Variants in RGL1 observed in about 807,000 individuals in gnomAD.
RGL1 encodes the protein ral guanine nucleotide dissociation stimulator like 1, also known as ral guanine nucleotide dissociation stimulator-like 1.
In RGL1, 24 loss-of-function variants were observed where a neutral mutation model predicts 95.2. That is an observed-to-expected ratio of 0.25 (90% CI 0.18 to 0.35). The LOEUF (loss-of-function observed/expected upper bound fraction) is 0.35. Among genes scored for constraint, RGL1 ranks in the 10% least tolerant of loss-of-function variants. The probability of loss-of-function intolerance (pLI) is 1.00; values close to 1 mark genes in which losing one functional copy is unlikely to be tolerated. For synonymous variants in RGL1, 329 were observed against 344.9 expected, an observed-to-expected ratio of 0.95 and a Z score of 0.51; for missense variants, 715 against 936.3, an observed-to-expected ratio of 0.76 and a Z score of 3.08.
chr1:183,793,906 CCAAAGGAAAGGAAATCAGTATAT>C lies in RGL1; in HGVS notation c.133-12459_133-12437del, dbSNP rs572227220. ...AGCAATGTCACTACTGGGTATTTAT[CCAAAGGAAAGGAAATCAGTATAT>C]CAAAGGAAATTAGTATATCGAAGGG... On this transcript the variant is annotated intron_variant, in intron 2 of 18. Transcript: ENST00000304685. 1.9e-3 allele frequency among the ~76,000 whole-genome samples: 292 copies of C among 151,996 alleles called. 7 individuals carry two copies. In the East Asian group the frequency reaches 0.046, roughly 24 times the overall value.
Position 183,656,098 on chromosome 1 carries a change from T to C in RGL1, c.-33+19597T>C, listed in dbSNP as rs111463670. Among the ~76,000 whole-genome samples, 545 of 134,932 alleles carry C rather than the reference T, an allele frequency of 4.0e-3. 4 individuals are homozygous for C. Among genetic ancestry groups the C allele is most frequent in the African/African-American group, 0.015 (515 of 35,122 alleles). 88.5% of individuals were successfully genotyped at this position (134,932 alleles called of 152,430 possible). The stretch of plus-strand genomic sequence containing the variant: ...ATAGATCCCAAAGCAGACCAAGTTT[T>C]TTTTCTTTTCTTTTCTTTTTTTTTT... On this transcript the variant is annotated intron_variant, in intron 1 of 18. Transcript: ENST00000304685.
intron 2 of RGL1, among the ~76,000 whole-genome samples, chr1:183,784,539 C>A (rs1660058285): frequency 6.6e-6 from 1 of 152,160 alleles, no homozygotes; most frequent in African/African-American, 2.4e-5. Context: ...AAGAATGGTT[C>A]AATACTCCAT....
chr1:183,750,204 C>T (rs898656739), intron 2 of RGL1, among the ~76,000 whole-genome samples: 2 of 152,152 alleles, frequency 1.3e-5, no homozygotes, highest in Non-Finnish European at 2.9e-5. Flanking sequence ...ACCAATCAAA[C>T]GTAGGTTTGG....
At chr1:183,851,463 C>A (rs769045885) in intron 3 of RGL1, among the ~76,000 whole-genome samples, 1 of 152,144 alleles carries the variant, frequency 6.6e-6, no homozygotes, top group Non-Finnish European at 1.5e-5. Context: ...ATTTTGTATT[C>A]TTTTTCTTTG....
chr1:183,807,922 A>T (rs1661448150), intron 2 of RGL1, among the ~76,000 whole-genome samples: 1 of 152,176 alleles, frequency 6.6e-6, no homozygotes. Context: ...GGTTGTGTGT[A>T]TGTATTTTAT....
intron 10 of RGL1, 103 bp downstream of exon 10, chr1:183,898,000 G>C: frequency 1.1e-6 from 1 of 901,436 alleles, no homozygotes; most frequent in Non-Finnish European, 1.8e-6. Flanking sequence ...AGGGCACCCA[G>C]GCTTTCAGAA....
intron 16 of RGL1, among the ~76,000 whole-genome samples, chr1:183,918,406 C>A (rs1419054069): frequency 6.6e-6 from 1 of 152,208 alleles, no homozygotes; most frequent in Admixed American, 6.5e-5. Context: ...ACTGCCTGCT[C>A]AGCATGGTCT....
chr1:183,703,113 T>C (rs768905926), intron 1 of RGL1, among the ~76,000 whole-genome samples: 1 of 152,036 alleles, frequency 6.6e-6, no homozygotes, highest in Non-Finnish European at 1.5e-5. Context: ...GCCTCAGAAG[T>C]GAGGAGTTAT....
chr1:183,728,974 CT>C (rs1250695750), intron 1 of RGL1, among the ~76,000 whole-genome samples: 1 of 152,156 alleles, frequency 6.6e-6, no homozygotes, highest in Non-Finnish European at 1.5e-5. Context: ...TGGTACACAA[CT>C]GGATAATCTT....
chr1:183,912,119 C>T lies in RGL1; in HGVS notation c.1600C>T (p.Pro534Ser). 6.2e-7 allele frequency: 1 copy of T among 1,614,072 alleles called. No individual in the cohort carries two copies. The highest frequency in any genetic ancestry group is 8.5e-7 in the Non-Finnish European group (1 of 1,179,994). Residue 534 changes from proline to serine, a missense_variant, in exon 15 of 18, where the codon CCC becomes TCC. Physicochemically the swap from Pro to Ser is moderately conservative, Grantham distance 74. This residue lies in a region of RGL1 where 330 missense variants were observed against 429.6 expected (regional missense o/e 0.77). Transcript: ENST00000360851. ...LGSDMITSPT[P>S]TKEQPKSTAS... Reference sequence around the variant, plus strand: ...GTCTGACATGATCACCAGTCCCACTCCCACCAAAGAGCAGCCCAAGTCCAC... The same window carrying T: ...GTCTGACATGATCACCAGTCCCACTTCCACCAAAGAGCAGCCCAAGTCCAC...
At chr1:183,709,046 C>T (rs1282589711) in intron 1 of RGL1, among the ~76,000 whole-genome samples, 1 of 152,130 alleles carries the variant, frequency 6.6e-6, no homozygotes, top group Admixed American at 6.5e-5. Flanking sequence ...CAAATGAGAC[C>T]GGGCAGGGGT....
rs566144655 is a variant in RGL1 at position 183,695,179 on chromosome 1, A to G, written c.-32-46947A>G. ...GGCCCCCAAAAGCTTCCAGGAAAGCATCGGCTTGACAGCGAGGATGCCAAA... is the reference window on the plus strand; with the variant it reads ...GGCCCCCAAAAGCTTCCAGGAAAGCGTCGGCTTGACAGCGAGGATGCCAAA... On this transcript the variant is annotated intron_variant, in intron 1 of 18. Coordinates refer to the RGL1 transcript ENST00000304685. 4.7e-4 allele frequency among the ~76,000 whole-genome samples: 71 copies of G among 152,362 alleles called. 1 individual carries two copies. In the South Asian group the frequency reaches 0.014, roughly 31 times the overall value.
At chr1:183,759,336 G>GT (rs1301040352) in intron 2 of RGL1, among the ~76,000 whole-genome samples, 1 of 152,172 alleles carries the variant, frequency 6.6e-6, no homozygotes, top group Non-Finnish European at 1.5e-5. Context: ...CTTTTGGTGG[G>GT]TTTTCTGCTA....
At chr1:183,842,927 CTT>C (rs1400601779) in intron 2 of RGL1, among the ~76,000 whole-genome samples, 1 of 152,208 alleles carries the variant, frequency 6.6e-6, no homozygotes, top group South Asian at 2.1e-4. Context: ...TTTAGCTTCT[CTT>C]GTCGGGCCAT....
chr1:183,670,837 A>G (rs1180838327), intron 1 of RGL1, among the ~76,000 whole-genome samples: 2 of 152,238 alleles, frequency 1.3e-5, no homozygotes, highest in Admixed American at 6.5e-5. Flanking sequence ...TCGTATGGAT[A>G]TACTACAATT....
At position 183,880,740 on chromosome 1, in the gene RGL1, C is replaced by G. The variant is rs1188962152; in HGVS notation, c.550C>G (p.Pro184Ala). The G allele has an allele frequency of 6.2e-7, 1 of 1,613,722 alleles. No individual in the cohort carries two copies. Among genetic ancestry groups the G allele is most frequent in the Non-Finnish European group, 8.5e-7 (1 of 1,179,834 alleles). ...YLTRMMPGSD[P>A]ERRAQNLLEQ... ...CACACGGATGATGCCGGGCTCTGAC[C>G]CAGAAAGAAGAGCACAAAATCTTCT... Residue 184 changes from proline (P) to alanine (A), a missense_variant, in exon 5 of 18, where the codon CCA (proline) becomes GCA (alanine). Physicochemically the swap from Pro to Ala is conservative, Grantham distance 27. Around this residue, in one of 3 missense-constraint regions of RGL1, gnomAD observed 381 missense variants for 484.8 expected, o/e 0.79. Coordinates refer to ENST00000360851, the MANE Select transcript of RGL1 (RefSeq NM_001297671.3).
chr1:183,904,055 C>T (rs1304676956), intron 12 of RGL1, among the ~76,000 whole-genome samples: 1 of 152,170 alleles, frequency 6.6e-6, no homozygotes, highest in Non-Finnish European at 1.5e-5. Context: ...TGTCATTTAA[C>T]TTCAGAATAA....
intron 7 of RGL1, among the ~76,000 whole-genome samples, chr1:183,887,078 GA>G (rs907855616): frequency 1.3e-5 from 2 of 151,388 alleles, no homozygotes; most frequent in Admixed American, 1.3e-4. Context: ...TAACTTTTGT[GA>G]ACCTTTGTTG....
At chr1:183,727,084 T>C (rs531247755) in intron 1 of RGL1, among the ~76,000 whole-genome samples, 19 of 152,228 alleles carry the variant, frequency 1.2e-4, no homozygotes, top group African/African-American at 4.6e-4. Flanking sequence ...ATAAAATTAC[T>C]TATGAACATG....
Sources: gnomAD v4.1 joint callset for allele counts (sites outside exome capture counted in the v4.1 genomes callset) on GRCh38, gnomAD v4.1.1 for gene constraint, gnomAD v4.1.1 regional missense constraint, MANE v1.5 for transcripts, NCBI Gene and HGNC (gene_info 2026-07-23, HGNC 2026-07-21) for gene names.